The following BICD1 variants were observed in gnomAD, a reference collection of about 807,000 sequenced individuals.
BICD1 encodes the protein protein bicaudal D homolog 1.
In BICD1, 35 loss-of-function variants were observed where a neutral mutation model predicts 92.5. The ratio of observed to expected loss-of-function variants is 0.38; its 90% CI spans 0.29 to 0.50. The LOEUF is 0.50. Ranked by LOEUF, BICD1 falls within the 20% of genes least tolerant of loss-of-function variation. BICD1 has a pLI of 0.93. For synonymous variants in BICD1, 429 were observed against 465.1 expected (o/e 0.92, Z 1.00); for missense variants, 950 against 1,189.8 (o/e 0.80, Z 2.97).
In BICD1 at chr12:32,223,474, G is replaced by A. The variant is rs1052597519; in HGVS notation, c.426+7015G>A. 8.8e-5 allele frequency among the ~76,000 whole-genome samples: 13 copies of A among 146,926 alleles called. 1 individual carries two copies. Among genetic ancestry groups the A allele is most frequent in the African/African-American group, 3.0e-4 (12 of 39,360 alleles). On this transcript the variant is annotated intron_variant, in intron 2 of 9. Coordinates refer to ENST00000652176, the MANE Select transcript of BICD1 (RefSeq NM_001714.4). ...AGGTGTTGCAGTGAGCCAAGATCGC[G>A]CCACTGCACTGGAGCCTGAGTAACA...
intron 8 of BICD1, among the ~76,000 whole-genome samples, chr12:32,346,033 C>T (rs972390007): frequency 6.6e-6 from 1 of 152,104 alleles, no homozygotes; most frequent in African/African-American, 2.4e-5. Flanking sequence ...CCTGTACTCT[C>T]AGCTACTCAG....
intron 4 of BICD1, among the ~76,000 whole-genome samples, chr12:32,308,216 G>T (rs557099323): frequency 6.6e-6 from 1 of 152,292 alleles, no homozygotes; most frequent in South Asian, 2.1e-4. Context: ...TGGTTTAGGC[G>T]GTTCCTCATT....
chr12:32,139,211 CTT>C (rs1942825049), intron 1 of BICD1, among the ~76,000 whole-genome samples: 1 of 152,186 alleles, frequency 6.6e-6, no homozygotes, highest in Non-Finnish European at 1.5e-5. Context: ...GCTTTAGAAA[CTT>C]TCAGTTCCCT....
At chr12:32,231,149 C>A (rs1347670578) in intron 2 of BICD1, among the ~76,000 whole-genome samples, 1 of 152,086 alleles carries the variant, frequency 6.6e-6, no homozygotes, top group African/African-American at 2.4e-5. Flanking sequence ...GGACAGGCAT[C>A]TCCATAATCC....
chr12:32,268,120 C>T (rs7136168), intron 2 of BICD1, among the ~76,000 whole-genome samples: 4,873 of 152,168 alleles, frequency 0.032, 273 homozygotes, highest in African/African-American at 0.11. Context: ...TTTTATTTAC[C>T]ATTATTTATT....
chr12:32,293,354 G>T (rs1197354626), intron 2 of BICD1, among the ~76,000 whole-genome samples: 1 of 152,038 alleles, frequency 6.6e-6, no homozygotes, highest in Non-Finnish European at 1.5e-5. Context: ...GTCTTGCTCT[G>T]TTGCCCAGGC....
intron 2 of BICD1, among the ~76,000 whole-genome samples, chr12:32,278,701 A>G (rs792865): frequency 0.46 from 69,145 of 151,804 alleles, 15,945 homozygotes; most frequent in South Asian, 0.52. Flanking sequence ...AAAATACAAA[A>G]AAAAATTAGC....
intron 2 of BICD1, among the ~76,000 whole-genome samples, chr12:32,259,212 A>T (rs1565625088): frequency 1.3e-5 from 2 of 152,230 alleles, no homozygotes; most frequent in Non-Finnish European, 2.9e-5. Context: ...GTAATATTAA[A>T]AGTTAATGAT....
chr12:32,114,383 CT>C (rs991830301), intron 1 of BICD1, among the ~76,000 whole-genome samples: 4 of 151,796 alleles, frequency 2.6e-5, no homozygotes, highest in South Asian at 2.1e-4. Flanking sequence ...CCTCAACTTT[CT>C]TTTTTTTCTT....
At chr12:32,304,444 T>C (rs1420253619) in intron 3 of BICD1, among the ~76,000 whole-genome samples, 1 of 152,232 alleles carries the variant, frequency 6.6e-6, no homozygotes, top group Non-Finnish European at 1.5e-5. Flanking sequence ...AAATGCACAT[T>C]GAACAGCAGA....
chr12:32,299,506 C>G (rs1008389281), intron 3 of BICD1, among the ~76,000 whole-genome samples: 1 of 152,092 alleles, frequency 6.6e-6, no homozygotes, highest in Non-Finnish European at 1.5e-5. Context: ...CATGAAACAG[C>G]TGGGTGAATA....
chr12:32,304,853 A>G (rs1259946231), intron 3 of BICD1, among the ~76,000 whole-genome samples: 1 of 149,834 alleles, frequency 6.7e-6, no homozygotes, highest in Non-Finnish European at 1.5e-5. Flanking sequence ...CCGTCTCTAC[A>G]AGAAATAAAA....
At chr12:32,230,367 T>C (rs1945840702) in intron 2 of BICD1, among the ~76,000 whole-genome samples, 1 of 151,468 alleles carries the variant, frequency 6.6e-6, no homozygotes, top group South Asian at 2.1e-4. Context: ...ACCACTGCAC[T>C]CCAGTCTAGG....
At chr12:32,325,150 T>G (rs1408405936) in intron 4 of BICD1, among the ~76,000 whole-genome samples, 3 of 26,050 alleles carry the variant, frequency 1.2e-4, no homozygotes, top group Non-Finnish European at 2.0e-4. Context: ...CATTTATGTT[T>G]TTTTTTTTTC....
intron 4 of BICD1, among the ~76,000 whole-genome samples, chr12:32,316,027 T>C (rs538337307): frequency 6.6e-6 from 1 of 151,494 alleles, no homozygotes; most frequent in East Asian, 2.0e-4. Flanking sequence ...TCCCAGCTAC[T>C]TGGGAGGCTG....
At chr12:32,347,652 G>A (rs2632331) in intron 8 of BICD1, among the ~76,000 whole-genome samples, 134,637 of 147,478 alleles carry the variant, frequency 0.91, 62,062 homozygotes, top group Non-Finnish European at 0.98. Flanking sequence ...TAAAAAAAAA[G>A]AAAAAGTTTG....
chr12:32,271,336 G>T (rs1306996784), intron 2 of BICD1, among the ~76,000 whole-genome samples: 1 of 152,114 alleles, frequency 6.6e-6, no homozygotes, highest in South Asian at 2.1e-4. Flanking sequence ...GAAAGAAAAT[G>T]CACAGTTCGT....
intron 2 of BICD1, among the ~76,000 whole-genome samples, chr12:32,265,522 A>G (rs1946968184): frequency 6.7e-6 from 1 of 149,922 alleles, no homozygotes; most frequent in Non-Finnish European, 1.5e-5. Context: ...CAGCCTGGGA[A>G]ACATAGTGAG....
At chr12:32,203,740 G>A (rs561230836) in intron 1 of BICD1, among the ~76,000 whole-genome samples, 1 of 152,132 alleles carries the variant, frequency 6.6e-6, no homozygotes, top group South Asian at 2.1e-4. Context: ...AAGTCCCCTC[G>A]AGAAGCCCTA....
Sources: allele counts gnomAD v4.1 joint callset (sites outside exome capture counted in the v4.1 genomes callset), GRCh38; gene constraint gnomAD v4.1.1; transcripts MANE v1.5; gene names NCBI Gene and HGNC (gene_info 2026-07-23, HGNC 2026-07-21).